Variants in TTC7A observed in about 807,000 individuals in gnomAD.
TTC7A encodes the protein tetratricopeptide repeat domain 7A, also known as tetratricopeptide repeat protein 7A.
Under a neutral mutation model 103.7 loss-of-function variants are expected in TTC7A, and 110 were observed. The ratio of observed to expected loss-of-function variants is 1.06; its 90% CI spans 0.91 to 1.24. TTC7A has a LOEUF of 1.24. Among genes scored for constraint, TTC7A ranks in the 50% most tolerant of loss-of-function variants. TTC7A has a pLI of 0.00. For missense variants in TTC7A, 1,340 were observed against 1,116.3 expected (o/e 1.20, Z -2.86); for synonymous variants, 521 against 467.9 (o/e 1.11, Z -1.47).
upstream of TTC7A, among the ~76,000 whole-genome samples, chr2:46,937,741 C>G (rs1670051818): frequency 6.6e-6 from 1 of 152,188 alleles, no homozygotes; most frequent in African/African-American, 2.4e-5. The surrounding 1 kb of genome is among the most constrained non-coding windows in gnomAD (Gnocchi z 4.0). Flanking sequence ...CCTGGCCCAA[C>G]AGTGATTTCA....
At chr2:46,979,010 G>A (rs918109269) in intron 5 of TTC7A, 103 bp downstream of exon 5, 21 of 738,188 alleles carry the variant, frequency 2.8e-5, no homozygotes, top group Middle Eastern at 3.1e-4. Context: ...CTGTGCATAC[G>A]TGCTCTTCCA....
At chr2:46,951,703 G>A (rs1286828524) in intron 2 of TTC7A, 10 of 454,770 alleles carry the variant, frequency 2.2e-5, no homozygotes, top group East Asian at 6.9e-5. Flanking sequence ...GAGGCACTGC[G>A]CCCAGCTGAT....
chr2:46,973,463 TGCGGCGGAGGATGGATCCCTCCCAC>T lies in TTC7A; in HGVS notation c.518-1509_518-1485del, dbSNP rs369041200. ...CGTCAGGGAGGGCCTCAGTGCCGAG[TGCGGCGGAGGATGGATCCCTCCCAC>T]TGCCGCAGGTTGCCGGTTGAGGTGA... On this transcript the variant is annotated intron_variant, in intron 3 of 19. Transcript: ENST00000319190. 1.1e-3 allele frequency among the ~76,000 whole-genome samples: 174 copies of T among 152,274 alleles called. 3 individuals are homozygous for T. The East Asian group carries it at 0.026, about 23-fold the overall frequency.
At chr2:47,044,940 AG>A (rs1682153307) in intron 15 of TTC7A, among the ~76,000 whole-genome samples, 1 of 152,206 alleles carries the variant, frequency 6.6e-6, no homozygotes, top group South Asian at 2.1e-4. Flanking sequence ...GGCAACTGCC[AG>A]GGGCAGGCCT....
rs372046395 is a variant in TTC7A at position 46,978,793 on chromosome 2, C to A, written c.650C>A (p.Thr217Asn). ...AQVFLQELEK[T>N]TNNSTSRHLK... Reference sequence around the variant, plus strand: ...CTCTCTCTCTGTTTCCCTTCCCAGACCACAAATAACAGCACGTCGAGGCAT... The same window carrying A: ...CTCTCTCTCTGTTTCCCTTCCCAGAACACAAATAACAGCACGTCGAGGCAT... Residue 217 changes from threonine to asparagine, a missense_variant and splice_region_variant, in exon 5 of 20, where the codon ACC (threonine) becomes AAC (asparagine). Thr to Asn is a moderately conservative substitution (Grantham distance 65). Transcript: ENST00000319190. The A allele has an allele frequency of 7.4e-6, 12 of 1,613,306 alleles. No homozygotes were observed. The highest frequency in any genetic ancestry group is 9.3e-6 in the Non-Finnish European group (11 of 1,179,466).
In TTC7A at chr2:46,941,398, G is replaced by A; in HGVS notation, c.-144G>A. The A allele has an allele frequency of 9.0e-6, 6 of 668,974 alleles. No homozygotes were observed. The highest frequency in any genetic ancestry group is 9.9e-6 in the Non-Finnish European group (5 of 507,482). The allele number at this position is 668,974 out of a possible 1,614,324, so 41.4% of individuals were successfully genotyped here. A position where few individuals can be genotyped will look rare whatever the true frequency, so the allele number is the denominator to read the frequency against. ...CTGCTGCTGCTGCCCACCCTCCGCC[G>A]CCCGGGCCCCCGCTGCCGCCCGGGC... On this transcript the variant is annotated 5_prime_UTR_variant, in exon 1 of 20. Transcript: ENST00000319190. This position sits in a 1 kb window ranked among gnomAD's most constrained non-coding sequence, Gnocchi z 4.2.
chr2:47,005,806 T>G (rs1677309614), intron 8 of TTC7A, 116 bp from the exon 9 acceptor site: 1 of 1,159,052 alleles, frequency 8.6e-7, no homozygotes, highest in Admixed American at 1.9e-5. Context: ...TCTTTCTGGC[T>G]TGGGGCAGTG....
intron 2 of TTC7A, among the ~76,000 whole-genome samples, chr2:46,925,445 C>G (rs1013812271): frequency 6.6e-6 from 1 of 152,104 alleles, no homozygotes; most frequent in African/African-American, 2.4e-5. Flanking sequence ...GTAATCCCAG[C>G]TACTTGGGAG....
At chr2:46,986,950 TC>T (rs1175160716) in intron 5 of TTC7A, among the ~76,000 whole-genome samples, 1 of 152,230 alleles carries the variant, frequency 6.6e-6, no homozygotes, top group Non-Finnish European at 1.5e-5. Flanking sequence ...GCCCAGTTCC[TC>T]ATCAGAATGT....
Position 47,037,445 on chromosome 2 carries a change from T to C in TTC7A, c.1802+8061T>C, listed in dbSNP as rs117770964. On this transcript the variant is annotated intron_variant, in intron 15 of 19. Transcript: ENST00000319190. ...CTGTCACACCCCTCACCCAGTTTGG[T>C]TGTTTTGGTTTGGTTGCTCTGTTTT... Among the ~76,000 whole-genome samples the C allele has an allele frequency of 2.5e-3, 373 of 152,224 alleles. 7 individuals are homozygous for C. The East Asian group carries it at 0.039, about 16-fold the overall frequency.
At chr2:46,958,938 GC>G (rs1672141411) in intron 3 of TTC7A, among the ~76,000 whole-genome samples, 1 of 152,172 alleles carries the variant, frequency 6.6e-6, no homozygotes, top group Non-Finnish European at 1.5e-5. Context: ...TATTTATTCA[GC>G]CCCCCTCCAT....
chr2:46,943,008 C>T (rs1670583265), intron 1 of TTC7A, among the ~76,000 whole-genome samples: 1 of 152,054 alleles, frequency 6.6e-6, no homozygotes, highest in Non-Finnish European at 1.5e-5. Flanking sequence ...TGGGCTCAAG[C>T]GATCATTCCA....
At chr2:46,931,319 C>G (rs934386441) in intron 2 of TTC7A, among the ~76,000 whole-genome samples, 1 of 152,254 alleles carries the variant, frequency 6.6e-6, no homozygotes, top group Non-Finnish European at 1.5e-5. Context: ...CTCCTGGCCT[C>G]AAGCAATCCT....
rs113372902 is a variant in TTC7A at position 47,000,943 on chromosome 2, C to T, written c.1066-4979C>T. ...AGCCAGCCCAGGGTCTCTTATGGCA[C>T]GGATGAGGCTATTGGGCACTTCCTC... On this transcript the variant is annotated intron_variant, in intron 8 of 19. Transcript: ENST00000319190. Among the ~76,000 whole-genome samples, 158 of 152,164 alleles carry T rather than the reference C, an allele frequency of 1.0e-3. 1 individual carries two copies. The highest frequency in any genetic ancestry group is 3.6e-3 in the African/African-American group (151 of 41,508).
At chr2:46,925,160 TC>T (rs35951083) in intron 2 of TTC7A, among the ~76,000 whole-genome samples, 1 of 152,178 alleles carries the variant, frequency 6.6e-6, no homozygotes, top group Non-Finnish European at 1.5e-5. Flanking sequence ...CTGGCTATGT[TC>T]CCCAGGCTAG....
At chr2:47,019,169 A>T (rs548703515) in intron 11 of TTC7A, among the ~76,000 whole-genome samples, 4 of 152,308 alleles carry the variant, frequency 2.6e-5, no homozygotes, top group Admixed American at 6.5e-5. Flanking sequence ...AATTGATCAT[A>T]CTTTTTTTCC....
chr2:46,984,024 G>T (rs2881587), intron 5 of TTC7A, among the ~76,000 whole-genome samples: 86,133 of 152,014 alleles, frequency 0.57, 25,314 homozygotes, highest in East Asian at 0.68. Context: ...ACTTAGGAAG[G>T]GCTAAATTCA....
chr2:46,916,941 G>A (rs1036094638), intron 1 of TTC7A, among the ~76,000 whole-genome samples: 4 of 150,980 alleles, frequency 2.6e-5, no homozygotes, highest in Non-Finnish European at 3.0e-5. Context: ...CAGGACGGTC[G>A]TTTTTTTTAA....
At chr2:46,983,353 G>A (rs1674670656) in intron 5 of TTC7A, among the ~76,000 whole-genome samples, 1 of 152,206 alleles carries the variant, frequency 6.6e-6, no homozygotes, top group South Asian at 2.1e-4. Context: ...TTTTTCGGTT[G>A]CTGAGCTTTG....
Sources: allele counts gnomAD v4.1 joint callset (sites outside exome capture counted in the v4.1 genomes callset), GRCh38; gene constraint gnomAD v4.1.1; non-coding constraint Gnocchi (gnomAD v3.1); transcripts MANE v1.5; gene names NCBI Gene and HGNC (gene_info 2026-07-23, HGNC 2026-07-21).